Variants in FRMD7 observed in about 807,000 individuals in gnomAD.
The protein encoded by FRMD7 is FERM domain-containing protein 7.
Under a neutral mutation model 44.1 loss-of-function variants are expected in FRMD7, and 14 were observed. The ratio of observed to expected loss-of-function variants is 0.32; its 90% CI spans 0.21 to 0.50. The LOEUF (loss-of-function observed/expected upper bound fraction) is 0.50, where lower values mean the gene tolerates loss of function less well. Among genes scored for constraint, FRMD7 ranks in the 20% least tolerant of loss-of-function variants. The pLI, the probability that FRMD7 is intolerant of heterozygous loss-of-function variation, is 0.99. For synonymous variants in FRMD7, 212 were observed against 187.4 expected (o/e 1.13, Z -1.07); for missense variants, 501 against 522.3 (o/e 0.96, Z 0.40).
chrX:132,124,934 T>C (rs371502102), intron 1 of FRMD7, among the ~76,000 whole-genome samples: 1 of 111,982 alleles, frequency 8.9e-6, no homozygotes, highest in African/African-American at 3.2e-5. Flanking sequence ...AATTAATGAA[T>C]ACGTGACTAA....
At chrX:132,126,860 T>A (rs1929168090) in intron 1 of FRMD7, among the ~76,000 whole-genome samples, 1 of 111,862 alleles carries the variant, frequency 8.9e-6, no homozygotes, top group African/African-American at 3.3e-5. Context: ...CATGAAGTCA[T>A]CACTCACAAA....
At chrX:132,101,846 G>A (rs997930891) in intron 1 of FRMD7, among the ~76,000 whole-genome samples, 1 of 111,525 alleles carries the variant, frequency 9.0e-6, no homozygotes, top group Non-Finnish European at 1.9e-5. Flanking sequence ...GCTGAGTATG[G>A]CTGGGACTGA....
In FRMD7 at chrX:132,114,495, C is replaced by T. The variant is rs1928854006; in HGVS notation, c.57+13293G>A. On this transcript the variant is annotated intron_variant, in intron 1 of 11. Coordinates refer to ENST00000298542, the MANE Select transcript of FRMD7 (RefSeq NM_194277.3). ...TAGGATTATACTTGAAATTTATTTT[C>T]TTCATTTGTTTACCGAATTTTCTCA... is the stretch of plus-strand genomic sequence containing the variant. Among the ~76,000 whole-genome samples, 3 of 111,963 alleles carry T rather than the reference C, an allele frequency of 2.7e-5. No homozygotes were observed. The South Asian group carries it at 1.1e-3, about 42-fold the overall frequency.
chrX:132,120,531 C>T (rs1929008626), intron 1 of FRMD7, among the ~76,000 whole-genome samples: 1 of 113,080 alleles, frequency 8.8e-6, no homozygotes, highest in African/African-American at 3.2e-5. Context: ...AAAGCCAGTT[C>T]CCCAATCTCT....
chrX:132,099,378 A>G (rs1928432348), intron 3 of FRMD7, 90 bp downstream of exon 3: 1 of 723,132 alleles, frequency 1.4e-6, no homozygotes, highest in Non-Finnish European at 2.2e-6. Context: ...TTCTCCCCTT[A>G]TATTAAAATG....
At chrX:132,093,484 C>T (rs1928240435) in intron 5 of FRMD7, among the ~76,000 whole-genome samples, 1 of 112,695 alleles carries the variant, frequency 8.9e-6, no homozygotes, top group South Asian at 3.7e-4. Flanking sequence ...AGACCACCTT[C>T]TACCTACCTT....
intron 3 of FRMD7, among the ~76,000 whole-genome samples, chrX:132,099,262 G>A (rs1278321102): frequency 8.9e-6 from 1 of 111,741 alleles, no homozygotes; most frequent in Non-Finnish European, 1.9e-5. Flanking sequence ...TTTACTCAAA[G>A]ATCCAGCAGC....
rs190443210 is a variant in FRMD7 at position 132,116,679 on chromosome X, G to A, written c.57+11109C>T. Among the ~76,000 whole-genome samples the A allele has an allele frequency of 3.6e-3, 403 of 111,446 alleles. 1 individual carries two copies. The highest frequency in any genetic ancestry group is 0.018 in the Middle Eastern group (4 of 217). On this transcript the variant is annotated intron_variant, in intron 1 of 11. Transcript: ENST00000298542. ...GGGGCCCGTCAGGGTTGGGGCCGGCGGAGGGAGAGCATCAGGATGAATTGT... is the reference window on the plus strand; with the variant it reads ...GGGGCCCGTCAGGGTTGGGGCCGGCAGAGGGAGAGCATCAGGATGAATTGT...
chrX:132,095,658 C>T (rs1425961912), intron 4 of FRMD7, among the ~76,000 whole-genome samples: 3 of 111,951 alleles, frequency 2.7e-5, no homozygotes, highest in East Asian at 2.8e-4. Flanking sequence ...ACATTAGAAA[C>T]GATTCAATTA....
At position 132,078,704 on chromosome X, in the gene FRMD7, GA is replaced by G. The variant is rs1459947409; in HGVS notation, c.1312del (p.Ser438GlnfsTer6). 2 of 1,209,238 alleles carry G rather than the reference GA, an allele frequency of 1.7e-6. No individual in the cohort carries two copies. Among genetic ancestry groups the G allele is most frequent in the African/African-American group, 3.5e-5 (2 of 57,130 alleles). On this transcript the variant is annotated frameshift_variant, in exon 12 of 12. Coordinates refer to ENST00000298542, the MANE Select transcript of FRMD7 (RefSeq NM_194277.3). LOFTEE classifies it high-confidence loss of function. ...GAAGGAGCTTAGAGAACTCCTCTCT[GA>G]AAAAATGTCTCTGGGATCAGGGTTA... ...NPNPDPRDIFSERSSLSSFQT... is the reference protein window; with the variant it reads ...NPNPDPRDIFXERSSLSSFQT...
chrX:132,127,726 T>C, intron 1 of FRMD7, 62 bp downstream of exon 1: 1 of 928,337 alleles, frequency 1.1e-6, no homozygotes, highest in African/African-American at 1.9e-5. Context: ...TAATGGGCTG[T>C]TCACAAATGA....
intron 4 of FRMD7, among the ~76,000 whole-genome samples, 154 bp downstream of exon 4, chrX:132,097,112 G>C (rs1928360583): frequency 9.0e-6 from 1 of 111,164 alleles, no homozygotes; most frequent in African/African-American, 3.3e-5. Context: ...TGGGGAACCA[G>C]CTAGGCCCAT....
In FRMD7 at chrX:132,081,597, T is replaced by C. The variant is rs868405502; in HGVS notation, c.905+766A>G. On this transcript the variant is annotated intron_variant, in intron 9 of 11. Transcript: ENST00000298542. ...TAGAATACAGACTGGAAAGATTCAATCAGAAATATGTAAGTTTTAACAGAT... is the reference window on the plus strand; with the variant it reads ...TAGAATACAGACTGGAAAGATTCAACCAGAAATATGTAAGTTTTAACAGAT... Among the ~76,000 whole-genome samples the C allele has an allele frequency of 1.5e-4, 17 of 112,276 alleles. No homozygotes were observed. The South Asian group carries it at 6.2e-3, about 41-fold the overall frequency.
intron 4 of FRMD7, 40 bp from the exon 5 acceptor site, chrX:132,094,179 G>C (rs1928262670): frequency 2.5e-6 from 2 of 807,160 alleles, no homozygotes; most frequent in Non-Finnish European, 1.9e-6. Flanking sequence ...GAAAGAAACA[G>C]AAATAAGAAA....
chrX:132,096,267 CTGGCCATGAACTCTTT>C (rs1928330246), intron 4 of FRMD7, among the ~76,000 whole-genome samples: 1 of 111,491 alleles, frequency 9.0e-6, no homozygotes, highest in Non-Finnish European at 1.9e-5. Context: ...AAAGATTGAA[CTGGCCATGAACTCTTT>C]TGGGGGGAAG....
rs1162567879 is a variant in FRMD7 at position 132,105,731 on chromosome X, A to C, written c.58-5015T>G. On this transcript the variant is annotated intron_variant, in intron 1 of 11. Transcript: ENST00000298542. Reference sequence around the variant, plus strand: ...CACAACTACAGCCATCAAATCGTCGACAAAGCTGACAAAAACTAGCAATGG... The same window carrying C: ...CACAACTACAGCCATCAAATCGTCGCCAAAGCTGACAAAAACTAGCAATGG... Among the ~76,000 whole-genome samples the C allele has an allele frequency of 2.7e-5, 3 of 111,739 alleles. No individual in the cohort carries two copies. In the Admixed American group the frequency reaches 2.9e-4, roughly 11 times the overall value.
At chrX:132,086,815 T>G (rs746601132) in intron 5 of FRMD7, among the ~76,000 whole-genome samples, 92 of 112,120 alleles carry the variant, frequency 8.2e-4, no homozygotes, top group African/African-American at 2.9e-3. Flanking sequence ...CACTCCATCC[T>G]GATCATATAT....
intron 1 of FRMD7, among the ~76,000 whole-genome samples, chrX:132,114,514 T>A (rs1928854827): frequency 8.9e-6 from 1 of 112,149 alleles, no homozygotes; most frequent in African/African-American, 3.2e-5. Context: ...TTTACCGAAT[T>A]TTCTCATCTA....
At chrX:132,104,419 G>C (rs769637472) in intron 1 of FRMD7, among the ~76,000 whole-genome samples, 1 of 111,648 alleles carries the variant, frequency 9.0e-6, no homozygotes, top group Middle Eastern at 4.2e-3. Flanking sequence ...CGGGCTGGGC[G>C]CTGTGGCTTA....
Sources: gnomAD v4.1 joint callset for allele counts (sites outside exome capture counted in the v4.1 genomes callset) on GRCh38, gnomAD v4.1.1 for gene constraint, MANE v1.5 for transcripts, NCBI Gene and HGNC (gene_info 2026-07-23, HGNC 2026-07-21) for gene names.